SPOCK3: variants seen among roughly 807,000 people sequenced by gnomAD.
The protein encoded by SPOCK3 is SPARC (osteonectin), cwcv and kazal like domains proteoglycan 3.
Under a neutral mutation model 56.6 loss-of-function variants are expected in SPOCK3, and 30 were observed. That is an observed-to-expected ratio of 0.53 (90% CI 0.40 to 0.72). The LOEUF (loss-of-function observed/expected upper bound fraction) is 0.72, where lower values mean the gene tolerates loss of function less well. Ranked by LOEUF, SPOCK3 falls within the 30% of genes least tolerant of loss-of-function variation. The probability of loss-of-function intolerance (pLI) is 0.00; values close to 1 mark genes in which losing one functional copy is unlikely to be tolerated. For synonymous variants in SPOCK3, 196 were observed against 183.3 expected, an observed-to-expected ratio of 1.07 and a Z score of -0.56; for missense variants, 527 against 530.0, an observed-to-expected ratio of 0.99 and a Z score of 0.06.
At chr4:167,040,032 C>A (rs185188394) in intron 3 of SPOCK3, among the ~76,000 whole-genome samples, 11 of 152,270 alleles carry the variant, frequency 7.2e-5, no homozygotes, top group Admixed American at 2.6e-4. Context: ...AGTTGTAAAG[C>A]CCACACTCAA....
At chr4:166,913,262 TCTC>T (rs1165688474) in intron 4 of SPOCK3, among the ~76,000 whole-genome samples, 1 of 152,158 alleles carries the variant, frequency 6.6e-6, no homozygotes, top group Non-Finnish European at 1.5e-5. Context: ...TGATAACAAA[TCTC>T]CTTTTGTTGT....
At chr4:166,936,001 TC>T (rs1740361641) in intron 4 of SPOCK3, among the ~76,000 whole-genome samples, 2 of 152,198 alleles carry the variant, frequency 1.3e-5, no homozygotes, top group Admixed American at 6.5e-5. Flanking sequence ...GATTTTTCCT[TC>T]CATTTTTGGT....
At chr4:167,122,124 T>A (rs530336768) in intron 2 of SPOCK3, among the ~76,000 whole-genome samples, 17 of 151,950 alleles carry the variant, frequency 1.1e-4, no homozygotes, top group Admixed American at 5.3e-4. Context: ...TTTTTTCTTT[T>A]TTCTTTTGTT....
chr4:167,147,717 C>T (rs1272633419), intron 2 of SPOCK3, among the ~76,000 whole-genome samples: 2 of 152,056 alleles, frequency 1.3e-5, no homozygotes, highest in African/African-American at 4.8e-5. Flanking sequence ...GAAGAGAAAA[C>T]CAAACACTGC....
chr4:166,993,813 G>T (rs940992133), intron 4 of SPOCK3, among the ~76,000 whole-genome samples: 2 of 152,116 alleles, frequency 1.3e-5, no homozygotes, highest in African/African-American at 2.4e-5. Flanking sequence ...GGTTGGGAGG[G>T]GAGACTGAAT....
chr4:166,744,233 C>T (rs62352830), intron 8 of SPOCK3, among the ~76,000 whole-genome samples: 69,834 of 151,854 alleles, frequency 0.46, 16,572 homozygotes, highest in African/African-American at 0.51. Context: ...CTCATACAGC[C>T]GAGTGCCCCT....
At chr4:167,117,102 T>C (rs1211804179) in intron 2 of SPOCK3, among the ~76,000 whole-genome samples, 12 of 151,228 alleles carry the variant, frequency 7.9e-5, no homozygotes. Flanking sequence ...CACAAAGAAA[T>C]GATGAAGGTT....
At chr4:166,736,624 A>G in intron 10 of SPOCK3, among the ~76,000 whole-genome samples, 1 of 151,962 alleles carries the variant, frequency 6.6e-6, no homozygotes, top group Non-Finnish European at 1.5e-5. Context: ...AATATTTTCT[A>G]AAATGCAAGA....
At chr4:166,959,242 C>T (rs1341370114) in intron 4 of SPOCK3, among the ~76,000 whole-genome samples, 2 of 152,068 alleles carry the variant, frequency 1.3e-5, no homozygotes, top group Admixed American at 6.6e-5. Flanking sequence ...TTAGAAAATA[C>T]AGCCTATGAC....
At chr4:167,219,589 C>T (rs1490741240) in intron 2 of SPOCK3, among the ~76,000 whole-genome samples, 1 of 152,066 alleles carries the variant, frequency 6.6e-6, no homozygotes, top group South Asian at 2.1e-4. Flanking sequence ...GTTAAATGAG[C>T]TTTTACTTAT....
chr4:167,008,653 C>T (rs866653503), intron 3 of SPOCK3, among the ~76,000 whole-genome samples: 13 of 152,232 alleles, frequency 8.5e-5, no homozygotes, highest in Middle Eastern at 6.8e-3. Flanking sequence ...TAAGACTATA[C>T]AGCCATAAGA....
intron 5 of SPOCK3, among the ~76,000 whole-genome samples, chr4:166,905,857 A>T (rs1448289465): frequency 6.6e-6 from 1 of 152,008 alleles, no homozygotes; most frequent in African/African-American, 2.4e-5. Flanking sequence ...ACTGAATTAA[A>T]ATTAAATTTA....
At chr4:167,037,966 C>G (rs1310710832) in intron 3 of SPOCK3, among the ~76,000 whole-genome samples, 1 of 152,098 alleles carries the variant, frequency 6.6e-6, no homozygotes, top group Admixed American at 6.5e-5. Flanking sequence ...GTCACAGAAA[C>G]AGAAAGCTCT....
chr4:166,916,899 A>G (rs1398733561), intron 4 of SPOCK3, among the ~76,000 whole-genome samples: 1 of 152,202 alleles, frequency 6.6e-6, no homozygotes, highest in African/African-American at 2.4e-5. Context: ...TATTGGCCAC[A>G]TGTTATGATT....
At chr4:167,060,023 G>A (rs1438425724) in intron 3 of SPOCK3, among the ~76,000 whole-genome samples, 5 of 150,794 alleles carry the variant, frequency 3.3e-5, no homozygotes, top group Non-Finnish European at 7.4e-5. Flanking sequence ...AGTGGGGAGG[G>A]ATAGCTTTAG....
chr4:167,073,895 C>A (rs1251219913), intron 2 of SPOCK3, among the ~76,000 whole-genome samples: 1 of 151,816 alleles, frequency 6.6e-6, no homozygotes, highest in South Asian at 2.1e-4. Context: ...TTTATTATCT[C>A]TTTAAAATTA....
chr4:167,190,925 AC>A (rs1732419860), intron 2 of SPOCK3, among the ~76,000 whole-genome samples: 1 of 145,658 alleles, frequency 6.9e-6, no homozygotes, highest in East Asian at 2.1e-4. Context: ...AGGTTAGTCT[AC>A]CATTAAGTGC....
intron 7 of SPOCK3, among the ~76,000 whole-genome samples, chr4:166,785,516 G>GTT (rs1181014634): frequency 2.0e-5 from 3 of 152,014 alleles, no homozygotes; most frequent in Non-Finnish European, 1.5e-5. Context: ...ATCATAATGT[G>GTT]TTTAAGAGTT....
At chr4:166,787,677 TA>T (rs1294180513) in intron 7 of SPOCK3, among the ~76,000 whole-genome samples, 3 of 152,292 alleles carry the variant, frequency 2.0e-5, no homozygotes, top group Non-Finnish European at 4.4e-5. Context: ...AACTCTGTTT[TA>T]AAAATTCAAT....
Sources: allele counts gnomAD v4.1 joint callset (sites outside exome capture counted in the v4.1 genomes callset), GRCh38; gene constraint gnomAD v4.1.1; transcripts MANE v1.5; gene names NCBI Gene and HGNC (gene_info 2026-07-23, HGNC 2026-07-21).